Variants in DEF8 observed in about 807,000 individuals in gnomAD.
DEF8 encodes differentially expressed in FDCP 8 homolog.
Under a neutral mutation model 59.1 loss-of-function variants are expected in DEF8, and 38 were observed. That is an observed-to-expected ratio of 0.64 (90% CI 0.50 to 0.84). DEF8 has a LOEUF of 0.84. Ranked by LOEUF, DEF8 falls within the 40% of genes least tolerant of loss-of-function variation. The pLI is 0.00. For synonymous variants in DEF8, 265 were observed against 250.1 expected, an observed-to-expected ratio of 1.06 and a Z score of -0.56; for missense variants, 557 against 615.2, an observed-to-expected ratio of 0.91 and a Z score of 1.00.
intron 2 of DEF8, among the ~76,000 whole-genome samples, chr16:89,950,844 T>G (rs2031904353): frequency 6.6e-6 from 1 of 152,090 alleles, no homozygotes; most frequent in Non-Finnish European, 1.5e-5. Context: ...TAGCTGAGTG[T>G]GGTGGCACAC....
intron 9 of DEF8, among the ~76,000 whole-genome samples, chr16:89,962,829 T>C (rs570362703): frequency 3.0e-4 from 46 of 152,394 alleles, no homozygotes; most frequent in African/African-American, 9.9e-4. Flanking sequence ...CTGCTAAGTC[T>C]CACTGCACAG....
chr16:89,949,997 C>T (rs768942001), intron 2 of DEF8: 16 of 1,040,944 alleles, frequency 1.5e-5, no homozygotes, highest in Non-Finnish European at 1.9e-5. Context: ...CATCCCCTGC[C>T]CGTGCGCCAG....
Position 89,964,466 on chromosome 16 carries a change from C to T in DEF8, c.1144C>T (p.Arg382Trp), listed in dbSNP as rs753654038. ...FAKHIKLDCE[R>W]CQAKGFVCEL... The stretch of plus-strand genomic sequence containing the variant: ...CCCAACCCCACACTGTTCCCCCCAG[C>T]GGTGCCAGGCCAAGGGCTTCGTGTG... The change falls in exon 12 of 13, where the codon CGG (arginine) becomes TGG (tryptophan). Residue 382 changes from arginine (R) to tryptophan (W), a missense_variant and splice_region_variant. Coordinates refer to ENST00000563594, the MANE Select transcript of DEF8 (RefSeq NM_001242818.2). The T allele has an allele frequency of 4.4e-6, 7 of 1,586,896 alleles. No individual in the cohort carries two copies. The highest frequency in any genetic ancestry group is 2.7e-5 in the African/African-American group (2 of 74,108).
chr16:89,965,860 G>A lies in DEF8; in HGVS notation c.1254-1G>A. On this transcript the variant is annotated splice_acceptor_variant, in intron 12 of 12. Coordinates refer to ENST00000563594, the MANE Select transcript of DEF8 (RefSeq NM_001242818.2). LOFTEE classifies it high-confidence loss of function. Reference sequence around the variant, plus strand: ...GAGCCCCGACCTCTTTCTGCCCCCAGGGACTGCTACTACGACAACTCCACC... The same window carrying A: ...GAGCCCCGACCTCTTTCTGCCCCCAAGGACTGCTACTACGACAACTCCACC... 2 of 1,611,440 alleles carry A rather than the reference G, an allele frequency of 1.2e-6. No individual in the cohort carries two copies. Among genetic ancestry groups the A allele is most frequent in the Non-Finnish European group, 8.5e-7 (1 of 1,178,074 alleles).
At chr16:89,964,010 T>A (rs775451682) in intron 10 of DEF8, 160 bp from the exon 11 acceptor site, 1 of 965,320 alleles carries the variant, frequency 1.0e-6, no homozygotes, top group Non-Finnish European at 1.7e-6. Flanking sequence ...TCTTCCCCTG[T>A]CGGCTTCCTG....
At chr16:89,963,525 C>T in intron 10 of DEF8, 82 bp downstream of exon 10, 1 of 1,243,936 alleles carries the variant, frequency 8.0e-7, no homozygotes, top group South Asian at 1.3e-5. Context: ...TTTTTCCGGA[C>T]AGCTTGTGCG....
At chr16:89,958,878 G>T in intron 5 of DEF8, 136 bp from the exon 6 acceptor site, 1 of 1,492,248 alleles carries the variant, frequency 6.7e-7, no homozygotes, top group Non-Finnish European at 8.9e-7. Flanking sequence ...GGAGAAAAGG[G>T]ACATGGCATT....
intron 12 of DEF8, 147 bp downstream of exon 12, chr16:89,964,722 T>C (rs745550941): frequency 3.2e-6 from 2 of 627,522 alleles, no homozygotes; most frequent in Non-Finnish European, 5.6e-6. Flanking sequence ...TTTGGGTCTT[T>C]GCTGACCCTG....
At chr16:89,952,708 G>C (rs1233544500) in intron 2 of DEF8, 1 of 152,272 alleles carries the variant, frequency 6.6e-6, no homozygotes, top group African/African-American at 2.4e-5. Flanking sequence ...GGTGGGACTG[G>C]GGCCCACTCA....
chr16:89,955,628 C>T (rs528796245), intron 4 of DEF8, among the ~76,000 whole-genome samples: 2 of 152,082 alleles, frequency 1.3e-5, no homozygotes, highest in Non-Finnish European at 2.9e-5. Context: ...GTACACTTGC[C>T]GAGAGTCAGG....
chr16:89,957,683 G>T lies in DEF8; in HGVS notation c.372+23G>T, dbSNP rs544074238. The T allele has an allele frequency of 5.2e-6, 8 of 1,530,298 alleles. No individual in the cohort carries two copies. The Admixed American group carries it at 1.2e-4, about 23-fold the overall frequency. The allele number at this position is 1,530,298 out of a possible 1,614,324, so 94.8% of individuals were successfully genotyped here. A position where few individuals can be genotyped will look rare whatever the true frequency, so the allele number is the denominator to read the frequency against. On this transcript the variant is annotated intron_variant, in intron 5 of 12. Coordinates refer to ENST00000563594, the MANE Select transcript of DEF8 (RefSeq NM_001242818.2). The stretch of plus-strand genomic sequence containing the variant: ...AAGGTGGGTGTGGGGCCGCCCCGCC[G>T]TGGGGCAGCCTGGGGCCGAGGCCAG...
At chr16:89,949,548 C>A in intron 2 of DEF8, 35 bp downstream of exon 2, 1 of 1,613,422 alleles carries the variant, frequency 6.2e-7, no homozygotes. Flanking sequence ...ACTCCGCACA[C>A]CGGGGTGACT....
chr16:89,954,493 C>G lies in DEF8; in HGVS notation c.124+117C>G. 1.6e-5 allele frequency: 18 copies of G among 1,130,040 alleles called. No homozygotes were observed. The highest frequency in any genetic ancestry group is 2.4e-5 in the East Asian group (1 of 40,898). The allele number at this position is 1,130,040 out of a possible 1,614,324, so 70.0% of individuals were successfully genotyped here. ...CCTGGCTTTCCCACGGAGCCGGCAC[C>G]TGCTGGCTGTGTTCTTTTTCCCATC... On this transcript the variant is annotated intron_variant, in intron 3 of 12. Transcript: ENST00000563594. The surrounding 1 kb of genome is among the most constrained non-coding windows in gnomAD (Gnocchi z 4.3).
intron 12 of DEF8, among the ~76,000 whole-genome samples, chr16:89,965,587 G>A (rs1488881618): frequency 6.6e-6 from 1 of 152,176 alleles, no homozygotes; most frequent in African/African-American, 2.4e-5. Flanking sequence ...AGTCGAGTCT[G>A]GCGTGGCCAC....
At position 89,957,561 on chromosome 16, in the gene DEF8, G is replaced by A; in HGVS notation, c.273G>A (p.Glu91=). The part of the protein sequence containing the change: ...DVQQLRQAIE[E]CKQVILELPE... ...AGCAGCTGCGGCAGGCGATCGAGGA[G>A]TGCAAGCAGGTGATTCTGGAGCTGC... The change falls in exon 5 of 13, where the codon GAG becomes GAA. Residue 91 remains glutamate, a synonymous_variant. Transcript: ENST00000563594. 1.3e-6 allele frequency: 2 copies of A among 1,592,012 alleles called. No individual in the cohort carries two copies. The highest frequency in any genetic ancestry group is 1.7e-6 in the Non-Finnish European group (2 of 1,169,946).
In DEF8 at chr16:89,957,536, A is replaced by G; in HGVS notation, c.248A>G (p.Gln83Arg). ...GGTCTGTTCCTGGCCTCTGACGTCC[A>G]GCAGCTGCGGCAGGCGATCGAGGAG... ...PVGLFLASDV[Q>R]QLRQAIEECK... The change falls in exon 5 of 13, where the codon CAG (glutamine) becomes CGG (arginine). Residue 83 changes from glutamine to arginine, a missense_variant. Gln to Arg is a conservative substitution (Grantham distance 43). Transcript: ENST00000563594. 6.3e-7 allele frequency: 1 copy of G among 1,592,624 alleles called. No individual in the cohort carries two copies. The highest frequency in any genetic ancestry group is 8.5e-7 in the Non-Finnish European group (1 of 1,169,944).
rs139862600 is a variant in DEF8 at position 89,962,581 on chromosome 16, G to T, written c.921+456G>T. On this transcript the variant is annotated intron_variant, in intron 9 of 12. Transcript: ENST00000563594. ...TGAGGCAGGAGAATCACTTGAACCC[G>T]GGAGGCTGAGGTTGCTGTGAGCCGA... Among the ~76,000 whole-genome samples the T allele has an allele frequency of 4.5e-4, 69 of 152,188 alleles. No homozygotes were observed. In the East Asian group the frequency reaches 0.013, roughly 29 times the overall value.
chr16:89,962,254 G>A, intron 9 of DEF8, 129 bp downstream of exon 9: 1 of 787,190 alleles, frequency 1.3e-6, no homozygotes, highest in Non-Finnish European at 2.1e-6. Flanking sequence ...ACCTGCTTAG[G>A]GTGAGCCAGG....
At position 89,964,473 on chromosome 16, in the gene DEF8, A is replaced by T; in HGVS notation, c.1151A>T (p.Gln384Leu). The stretch of plus-strand genomic sequence containing the variant: ...CCACACTGTTCCCCCCAGCGGTGCC[A>T]GGCCAAGGGCTTCGTGTGTGAGCTC... ...KHIKLDCERC[Q>L]AKGFVCELCR... The change falls in exon 12 of 13, where the codon CAG (glutamine) becomes CTG (leucine). Residue 384 changes from glutamine (Q) to leucine (L), a missense_variant. Gln to Leu is a moderately radical substitution (Grantham distance 113). Transcript: ENST00000563594. 1 of 1,591,706 alleles carries T rather than the reference A, an allele frequency of 6.3e-7. No individual in the cohort carries two copies. The highest frequency in any genetic ancestry group is 8.6e-7 in the Non-Finnish European group (1 of 1,169,520).
Sources: allele counts gnomAD v4.1 joint callset (sites outside exome capture counted in the v4.1 genomes callset), GRCh38; gene constraint gnomAD v4.1.1; non-coding constraint Gnocchi (gnomAD v3.1); transcripts MANE v1.5; gene names NCBI Gene and HGNC (gene_info 2026-07-23, HGNC 2026-07-21).